The following SYT1 variants were observed in gnomAD, a reference collection of about 807,000 sequenced individuals.
SYT1 encodes synaptotagmin-1.
Under a neutral mutation model 44.8 loss-of-function variants are expected in SYT1, and 8 were observed. The observed-to-expected ratio is 0.18, with a 90% CI of 0.10 to 0.32. SYT1 has a LOEUF of 0.32. Among genes scored for constraint, SYT1 ranks in the 10% least tolerant of loss-of-function variants. The pLI, the probability that SYT1 is intolerant of heterozygous loss-of-function variation, is 1.00. For missense variants in SYT1, 286 were observed against 509.3 expected, an observed-to-expected ratio of 0.56 and a Z score of 4.22; for synonymous variants, 154 against 188.8, an observed-to-expected ratio of 0.82 and a Z score of 1.51.
intron 3 of SYT1, among the ~76,000 whole-genome samples, chr12:79,078,980 G>A (rs1170622060): frequency 6.6e-6 from 1 of 152,032 alleles, no homozygotes; most frequent in Non-Finnish European, 1.5e-5. Flanking sequence ...AATTTAAAAG[G>A]CACATTAATT....
At chr12:79,426,001 C>A (rs934142503) in intron 9 of SYT1, among the ~76,000 whole-genome samples, 3 of 151,878 alleles carry the variant, frequency 2.0e-5, no homozygotes, top group Non-Finnish European at 4.4e-5. Context: ...AGATTGTTAA[C>A]TCTCCCTCTA....
intron 3 of SYT1, among the ~76,000 whole-genome samples, chr12:79,148,783 T>G (rs953113679): frequency 2.0e-5 from 3 of 152,154 alleles, no homozygotes; most frequent in Non-Finnish European, 4.4e-5. Context: ...ATGATAGACT[T>G]GTTCAATTGC....
At chr12:78,937,512 G>A (rs551444482) in intron 1 of SYT1, among the ~76,000 whole-genome samples, 17 of 151,968 alleles carry the variant, frequency 1.1e-4, no homozygotes, top group South Asian at 4.1e-4. Flanking sequence ...TTTTTAGACC[G>A]TAAACATGAT....
intron 9 of SYT1, among the ~76,000 whole-genome samples, chr12:79,353,832 CCTT>C (rs1225917288): frequency 2.6e-5 from 4 of 152,172 alleles, no homozygotes; most frequent in Non-Finnish European, 5.9e-5. Context: ...AATCTATTTT[CCTT>C]CTTTGGAGCC....
At chr12:79,307,499 C>T (rs1017075580) in intron 8 of SYT1, among the ~76,000 whole-genome samples, 2 of 152,044 alleles carry the variant, frequency 1.3e-5, no homozygotes, top group African/African-American at 4.8e-5. Flanking sequence ...CCTGACCTTC[C>T]GAGCTGGCGG....
At chr12:79,315,868 G>C (rs538069003) in intron 8 of SYT1, among the ~76,000 whole-genome samples, 1 of 152,170 alleles carries the variant, frequency 6.6e-6, no homozygotes, top group East Asian at 1.9e-4. Context: ...TCTCCCTTAA[G>C]ACAAGAAGTT....
At chr12:79,200,474 C>A (rs1397879834) in intron 3 of SYT1, among the ~76,000 whole-genome samples, 1 of 151,956 alleles carries the variant, frequency 6.6e-6, no homozygotes, top group South Asian at 2.1e-4. Context: ...GGTGTAGGAG[C>A]AAACAAGAAG....
intron 3 of SYT1, among the ~76,000 whole-genome samples, chr12:79,172,332 C>CA (rs918447369): frequency 6.4e-4 from 97 of 151,542 alleles, no homozygotes; most frequent in African/African-American, 2.2e-3. Flanking sequence ...TGCCTGCTCC[C>CA]AAAAAAAGGA....
At chr12:79,243,749 T>C (rs1876652733) in intron 4 of SYT1, among the ~76,000 whole-genome samples, 1 of 151,404 alleles carries the variant, frequency 6.6e-6, no homozygotes, top group Admixed American at 6.6e-5. Flanking sequence ...CACAGGGCCT[T>C]CCAAGCAGGA....
chr12:79,123,538 C>A (rs1868319593), intron 3 of SYT1, among the ~76,000 whole-genome samples: 1 of 152,140 alleles, frequency 6.6e-6, no homozygotes, highest in African/African-American at 2.4e-5. Flanking sequence ...ATGCTCTTAA[C>A]CACAGCGCTG....
intron 8 of SYT1, among the ~76,000 whole-genome samples, chr12:79,303,172 C>G (rs1880228999): frequency 1.3e-5 from 2 of 152,162 alleles, no homozygotes; most frequent in South Asian, 4.1e-4. Context: ...ACATTACAAG[C>G]AACAGCTATG....
chr12:79,328,294 A>G (rs1220673472), intron 8 of SYT1, among the ~76,000 whole-genome samples: 1 of 152,256 alleles, frequency 6.6e-6, no homozygotes, highest in African/African-American at 2.4e-5. Flanking sequence ...AGAAATGAGC[A>G]AACAGGACAA....
intron 2 of SYT1, among the ~76,000 whole-genome samples, chr12:78,996,416 A>T (rs991961952): frequency 8.5e-5 from 13 of 152,162 alleles, no homozygotes; most frequent in African/African-American, 2.9e-4. Context: ...CAGTATATTG[A>T]GACAAAGTTA....
intron 2 of SYT1, among the ~76,000 whole-genome samples, chr12:78,992,501 G>A (rs1362154803): frequency 6.6e-6 from 1 of 152,182 alleles, no homozygotes; most frequent in Non-Finnish European, 1.5e-5. Context: ...TACATCAAAT[G>A]CAGCAAGGAT....
At chr12:79,333,565 A>C (rs1881954875) in intron 8 of SYT1, among the ~76,000 whole-genome samples, 1 of 152,182 alleles carries the variant, frequency 6.6e-6, no homozygotes, top group Non-Finnish European at 1.5e-5. Context: ...ACTCATATCT[A>C]AATCTAAATC....
At chr12:78,881,483 A>C (rs2137056245) in intron 1 of SYT1, among the ~76,000 whole-genome samples, 1 of 151,838 alleles carries the variant, frequency 6.6e-6, no homozygotes, top group Non-Finnish European at 1.5e-5. Context: ...CATTTACTGG[A>C]GGAATGTCTG....
intron 1 of SYT1, among the ~76,000 whole-genome samples, chr12:78,915,711 T>G (rs1172257095): frequency 6.6e-6 from 1 of 152,062 alleles, no homozygotes; most frequent in Non-Finnish European, 1.5e-5. Flanking sequence ...CTATTTATTC[T>G]GGCTAGAATT....
chr12:79,191,532 T>A (rs1361766677), intron 3 of SYT1, among the ~76,000 whole-genome samples: 1 of 152,172 alleles, frequency 6.6e-6, no homozygotes, highest in Non-Finnish European at 1.5e-5. Context: ...ATCCTGTTTT[T>A]AGTTGCTATG....
At chr12:79,396,215 T>A (rs1417774291) in intron 9 of SYT1, among the ~76,000 whole-genome samples, 2 of 152,202 alleles carry the variant, frequency 1.3e-5, no homozygotes, top group Non-Finnish European at 2.9e-5. Context: ...CCAATTTTCA[T>A]CTGGGACCAC....
Sources: gnomAD v4.1 joint callset for allele counts (sites outside exome capture counted in the v4.1 genomes callset) on GRCh38, gnomAD v4.1.1 for gene constraint, MANE v1.5 for transcripts, NCBI Gene and HGNC (gene_info 2026-07-23, HGNC 2026-07-21) for gene names.